The following STIM1 variants were observed in gnomAD, a reference collection of about 807,000 sequenced individuals.
STIM1 encodes stromal interaction molecule 1.
A neutral mutation model predicts 74.7 loss-of-function variants in STIM1; 25 were observed. The ratio of observed to expected loss-of-function variants is 0.33; its 90% CI spans 0.24 to 0.47. The LOEUF is 0.47. Among genes scored for constraint, STIM1 ranks in the 20% least tolerant of loss-of-function variants. The pLI, the probability that STIM1 is intolerant of heterozygous loss-of-function variation, is 1.00. For missense variants in STIM1, 728 were observed against 920.8 expected (o/e 0.79, Z 2.71); for synonymous variants, 328 against 348.8 (o/e 0.94, Z 0.66).
At chr11:3,987,161 A>T (rs2093565440) in intron 2 of STIM1, among the ~76,000 whole-genome samples, 1 of 151,398 alleles carries the variant, frequency 6.6e-6, no homozygotes, top group Non-Finnish European at 1.5e-5. Flanking sequence ...AAATAGTATG[A>T]GCCCCCTTGT....
intron 1 of STIM1, chr11:3,892,845 C>T (rs2091939212): frequency 1.2e-5 from 19 of 1,609,446 alleles, no homozygotes; most frequent in Admixed American, 6.7e-5. Flanking sequence ...CCCAAGGGCT[C>T]GCTGTTGACA....
intron 5 of STIM1, among the ~76,000 whole-genome samples, chr11:4,062,478 C>T (rs910347463): frequency 1.6e-4 from 25 of 152,048 alleles, no homozygotes; most frequent in Non-Finnish European, 2.9e-4. Flanking sequence ...AAAAATTAGC[C>T]GGGTGTGGTG....
At chr11:3,859,750 G>C (rs1460476208) in intron 1 of STIM1, among the ~76,000 whole-genome samples, 1 of 152,202 alleles carries the variant, frequency 6.6e-6, no homozygotes, top group Non-Finnish European at 1.5e-5. Context: ...GCTAATTTTA[G>C]CTGAGGGTGG....
chr11:3,867,559 C>T (rs2090906200), intron 1 of STIM1, among the ~76,000 whole-genome samples: 1 of 152,228 alleles, frequency 6.6e-6, no homozygotes, highest in Admixed American at 6.5e-5. Context: ...GCTTGTTGTG[C>T]AGCAGAGAGA....
At chr11:3,886,687 C>CAAAAAA (rs199847545) in intron 1 of STIM1, among the ~76,000 whole-genome samples, 2 of 87,916 alleles carry the variant, frequency 2.3e-5, no homozygotes, top group African/African-American at 5.6e-5. Context: ...GACTCTGTGT[C>CAAAAAA]AAAAAAAAAA....
chr11:3,989,433 T>G, intron 2 of STIM1: 1 of 713,912 alleles, frequency 1.4e-6, no homozygotes. Context: ...TGGCGGCCCC[T>G]TCCGCGGAGC....
chr11:4,022,527 G>A (rs1251733085), intron 2 of STIM1, among the ~76,000 whole-genome samples: 1 of 151,892 alleles, frequency 6.6e-6, no homozygotes, highest in South Asian at 2.1e-4. Flanking sequence ...AGCGGTGAAC[G>A]AAGGCATCCT....
chr11:3,943,891 C>T (rs2093040649), intron 1 of STIM1, among the ~76,000 whole-genome samples: 1 of 152,240 alleles, frequency 6.6e-6, no homozygotes, highest in African/African-American at 2.4e-5. Flanking sequence ...CGTATATACA[C>T]AGATTCACAT....
At chr11:4,044,701 C>T (rs2094176563) in intron 3 of STIM1, among the ~76,000 whole-genome samples, 2 of 152,186 alleles carry the variant, frequency 1.3e-5, no homozygotes, top group African/African-American at 4.8e-5. Flanking sequence ...TTTGGTCTGA[C>T]ATGCTGAAGC....
chr11:4,079,007 T>C (rs2094451189), intron 7 of STIM1, among the ~76,000 whole-genome samples: 1 of 151,816 alleles, frequency 6.6e-6, no homozygotes, highest in Non-Finnish European at 1.5e-5. Context: ...AAAATAACTA[T>C]ATAGCCAGGT....
chr11:4,010,464 C>T (rs1332055454), intron 2 of STIM1, among the ~76,000 whole-genome samples: 2 of 152,124 alleles, frequency 1.3e-5, no homozygotes, highest in African/African-American at 4.8e-5. Flanking sequence ...AGCCACTGCG[C>T]CCGGCCAAAA....
At chr11:3,951,513 A>G (rs2093148020) in intron 1 of STIM1, among the ~76,000 whole-genome samples, 1 of 152,106 alleles carries the variant, frequency 6.6e-6, no homozygotes, top group South Asian at 2.1e-4. Context: ...GTTACTATGG[A>G]AACTGGAATC....
chr11:3,985,556 G>A (rs777827823), intron 2 of STIM1, among the ~76,000 whole-genome samples: 5 of 152,160 alleles, frequency 3.3e-5, no homozygotes, highest in Non-Finnish European at 7.3e-5. Flanking sequence ...CACAGGACCT[G>A]GAAGTAAAAG....
intron 2 of STIM1, among the ~76,000 whole-genome samples, chr11:4,014,276 C>T (rs998742400): frequency 6.6e-6 from 1 of 152,176 alleles, no homozygotes; most frequent in Non-Finnish European, 1.5e-5. Flanking sequence ...TTTCAAAGAA[C>T]ATCTTTATTT....
intron 2 of STIM1, among the ~76,000 whole-genome samples, chr11:4,018,009 A>G (rs2093915090): frequency 6.6e-6 from 1 of 152,224 alleles, no homozygotes; most frequent in Non-Finnish European, 1.5e-5. Flanking sequence ...GAAAAATCAA[A>G]GTCTTGATAA....
chr11:4,076,722 C>CTT (rs57222257), intron 7 of STIM1, among the ~76,000 whole-genome samples: 7 of 120,074 alleles, frequency 5.8e-5, no homozygotes, highest in African/African-American at 8.9e-5. Context: ...TCAGGAATCT[C>CTT]TTTTTTTTTT....
intron 1 of STIM1, among the ~76,000 whole-genome samples, chr11:3,933,415 A>C (rs2092894297): frequency 6.6e-6 from 1 of 152,190 alleles, no homozygotes; most frequent in Non-Finnish European, 1.5e-5. Context: ...AGATGAGGAG[A>C]CTGAAGTTTA....
At chr11:4,038,950 G>A (rs2132977617) in intron 3 of STIM1, among the ~76,000 whole-genome samples, 1 of 152,258 alleles carries the variant, frequency 6.6e-6, no homozygotes, top group Middle Eastern at 3.4e-3. Context: ...TGTTAAAAAT[G>A]TTACAAGTAA....
rs1360526868 is a variant in STIM1 at position 4,000,254 on chromosome 11, G to A, written c.271-23619G>A. The stretch of plus-strand genomic sequence containing the variant: ...GCAGTGGTTCTCCCAGCATGCAGCT[G>A]CAGATCTGAGAATGGGCAGACTGCC... On this transcript the variant is annotated intron_variant, in intron 2 of 12. Coordinates refer to ENST00000526596, the MANE Select transcript of STIM1 (RefSeq NM_001382567.1). Among the ~76,000 whole-genome samples the A allele has an allele frequency of 5.6e-5, 6 of 106,880 alleles. 1 individual carries two copies. Among genetic ancestry groups the A allele is most frequent in the South Asian group, 8.9e-4 (2 of 2,254 alleles). 70.1% of individuals were successfully genotyped at this position (106,880 alleles called of 152,430 possible).
Sources: allele counts gnomAD v4.1 joint callset (sites outside exome capture counted in the v4.1 genomes callset), GRCh38; gene constraint gnomAD v4.1.1; transcripts MANE v1.5; gene names NCBI Gene and HGNC (gene_info 2026-07-23, HGNC 2026-07-21).